Variants in FRMD5 observed in about 807,000 individuals in gnomAD.
FRMD5 encodes the protein FERM domain containing 5.
Under a neutral mutation model 69.0 loss-of-function variants are expected in FRMD5, and 20 were observed. The observed-to-expected ratio is 0.29, with a 90% CI of 0.20 to 0.42. FRMD5 has a LOEUF of 0.42. Among genes scored for constraint, FRMD5 ranks in the 10% least tolerant of loss-of-function variants. FRMD5 has a pLI of 1.00. For synonymous variants in FRMD5, 271 were observed against 260.1 expected, an observed-to-expected ratio of 1.04 and a Z score of -0.40; for missense variants, 595 against 708.6, an observed-to-expected ratio of 0.84 and a Z score of 1.82.
rs550194697 is a variant in FRMD5, at chr15:44,054,638, T to C, written c.103-130329A>G. Reference sequence around the variant, plus strand: ...TAATTCTATTCTTTGGAGAATATATTAATAATCCTCTAATTAGATTCTACC... The same window carrying C: ...TAATTCTATTCTTTGGAGAATATATCAATAATCCTCTAATTAGATTCTACC... On this transcript the variant is annotated intron_variant, in intron 1 of 13. Coordinates refer to ENST00000417257, the MANE Select transcript of FRMD5 (RefSeq NM_032892.5). Among the ~76,000 whole-genome samples the C allele has an allele frequency of 6.6e-5, 10 of 152,320 alleles. No homozygotes were observed. The South Asian group carries it at 1.2e-3, about 19-fold the overall frequency.
chr15:44,159,295 T>C (rs780518995), intron 1 of FRMD5, among the ~76,000 whole-genome samples: 11 of 152,054 alleles, frequency 7.2e-5, no homozygotes, highest in Non-Finnish European at 1.6e-4. Context: ...AAGGTATCTG[T>C]GGAGGAGACT....
intron 1 of FRMD5, among the ~76,000 whole-genome samples, chr15:44,166,139 C>T (rs532230974): frequency 4.1e-4 from 62 of 152,180 alleles, no homozygotes; most frequent in African/African-American, 1.4e-3. Context: ...ACATTTGGAA[C>T]TTATTTAACT....
At position 44,164,452 on chromosome 15, in the gene FRMD5, AGATT is replaced by A. The variant is rs1376785021; in HGVS notation, c.102+30497_102+30500del. 2.6e-5 allele frequency among the ~76,000 whole-genome samples: 4 copies of A among 152,176 alleles called. No homozygotes were observed. The East Asian group carries it at 7.7e-4, about 29-fold the overall frequency. On this transcript the variant is annotated intron_variant, in intron 1 of 13. Transcript: ENST00000417257. ...AAGGATCAGGGACCACATAGAAGAT[AGATT>A]GTGACATACTCATAAATAGCACCAT...
chr15:44,124,268 C>T (rs766400196), intron 1 of FRMD5, among the ~76,000 whole-genome samples: 9 of 151,594 alleles, frequency 5.9e-5, no homozygotes, highest in Non-Finnish European at 1.2e-4. Flanking sequence ...GCTGGGATTA[C>T]AGGCGTGAGC....
In FRMD5 at chr15:44,136,984, G is replaced by C. The variant is rs554292122; in HGVS notation, c.102+57969C>G. Among the ~76,000 whole-genome samples, 280 of 152,270 alleles carry C rather than the reference G, an allele frequency of 1.8e-3. 2 individuals are homozygous for C. The highest frequency in any genetic ancestry group is 6.5e-3 in the African/African-American group (271 of 41,550). ...AAAATTATAGCTGCCATATTAGTTA[G>C]AGTTCAATTGCAGGTATAAAAAAAC... On this transcript the variant is annotated intron_variant, in intron 1 of 13. Transcript: ENST00000417257.
intron 1 of FRMD5, among the ~76,000 whole-genome samples, chr15:44,183,938 C>T (rs527410710): frequency 2.6e-5 from 4 of 151,124 alleles, no homozygotes; most frequent in Admixed American, 6.6e-5. Context: ...GTCAAGATTG[C>T]GCCACTGCAG....
chr15:43,919,553 G>A lies in FRMD5; in HGVS notation c.251-16C>T. On this transcript the variant is annotated splice_polypyrimidine_tract_variant and intron_variant, in intron 3 of 13. Transcript: ENST00000417257. Reference sequence around the variant, plus strand: ...GGAGGCTGGGCTGCAGAGAAAAAGAGGTGCTCATCAGGGAAGACTCTCACC... The same window carrying A: ...GGAGGCTGGGCTGCAGAGAAAAAGAAGTGCTCATCAGGGAAGACTCTCACC... 1.9e-6 allele frequency: 3 copies of A among 1,613,220 alleles called. No individual in the cohort carries two copies. The highest frequency in any genetic ancestry group is 1.7e-6 in the Non-Finnish European group (2 of 1,179,548).
intron 1 of FRMD5, among the ~76,000 whole-genome samples, chr15:44,009,033 A>G (rs1260449368): frequency 6.6e-6 from 1 of 152,212 alleles, no homozygotes; most frequent in Non-Finnish European, 1.5e-5. Context: ...TCAAAAACAA[A>G]AAACAACAAT....
intron 1 of FRMD5, among the ~76,000 whole-genome samples, chr15:43,960,471 G>C (rs1190810052): frequency 6.6e-6 from 1 of 152,096 alleles, no homozygotes; most frequent in East Asian, 1.9e-4. Context: ...GGATGGTCTC[G>C]ATCTCCCGAC....
At chr15:44,150,357 T>C (rs997367889) in intron 1 of FRMD5, among the ~76,000 whole-genome samples, 4 of 150,882 alleles carry the variant, frequency 2.7e-5, no homozygotes, top group African/African-American at 9.8e-5. Flanking sequence ...AAGGAAGATA[T>C]AAAATTGTTT....
At chr15:43,999,513 T>C (rs8031749) in intron 1 of FRMD5, among the ~76,000 whole-genome samples, 12,381 of 152,190 alleles carry the variant, frequency 0.081, 797 homozygotes, top group East Asian at 0.17. Flanking sequence ...ATTATTATAG[T>C]CACCATGCTG....
At chr15:44,033,698 A>C (rs1444694403) in intron 1 of FRMD5, among the ~76,000 whole-genome samples, 2 of 152,238 alleles carry the variant, frequency 1.3e-5, no homozygotes, top group African/African-American at 4.8e-5. Flanking sequence ...AGGCAGTAGA[A>C]TATAATGATT....
At chr15:44,197,136 G>T (rs978745175), upstream of FRMD5, among the ~76,000 whole-genome samples, 1 of 151,972 alleles carries the variant, frequency 6.6e-6, no homozygotes, top group African/African-American at 2.4e-5. Flanking sequence ...GGGAGGTAGA[G>T]ATTGCAGTGA....
chr15:44,114,985 C>A (rs1046160680), intron 1 of FRMD5, among the ~76,000 whole-genome samples: 2 of 152,132 alleles, frequency 1.3e-5, no homozygotes, highest in African/African-American at 4.8e-5. Context: ...AGAGAAGCTA[C>A]AAGTCAGGAA....
At chr15:44,108,522 G>T (rs2076751757) in intron 1 of FRMD5, among the ~76,000 whole-genome samples, 1 of 151,938 alleles carries the variant, frequency 6.6e-6, no homozygotes, top group Admixed American at 6.6e-5. Context: ...GTGCATGCCT[G>T]GAATCCCAAC....
At chr15:44,018,373 G>A (rs1325793179) in intron 1 of FRMD5, among the ~76,000 whole-genome samples, 1 of 152,164 alleles carries the variant, frequency 6.6e-6, no homozygotes, top group African/African-American at 2.4e-5. Context: ...AACTCCTTTA[G>A]TAAAGTGTCG....
chr15:43,942,497 G>C (rs2089879105), intron 1 of FRMD5, among the ~76,000 whole-genome samples: 1 of 152,166 alleles, frequency 6.6e-6, no homozygotes, highest in Admixed American at 6.5e-5. Context: ...TTAGAAAACA[G>C]ATTTTGTGGA....
At chr15:44,087,151 T>C (rs886423389) in intron 1 of FRMD5, among the ~76,000 whole-genome samples, 2 of 152,102 alleles carry the variant, frequency 1.3e-5, no homozygotes, top group Admixed American at 6.5e-5. Flanking sequence ...TCCAAGTAGC[T>C]GGGATTACAG....
chr15:43,999,928 T>TATATATATATATATGCCATGC (rs1890109914), intron 1 of FRMD5, among the ~76,000 whole-genome samples: 2 of 44,980 alleles, frequency 4.4e-5, no homozygotes, highest in African/African-American at 1.4e-4. Context: ...TGTATGTATA[T>TATATATATATATATGCCATGC]ATATATATAT....
Sources: gnomAD v4.1 joint callset for allele counts (sites outside exome capture counted in the v4.1 genomes callset) on GRCh38, gnomAD v4.1.1 for gene constraint, MANE v1.5 for transcripts, NCBI Gene and HGNC (gene_info 2026-07-23, HGNC 2026-07-21) for gene names.